Variants in SDK1 observed in about 807,000 individuals in gnomAD.
The protein encoded by SDK1 is sidekick cell adhesion molecule 1.
In SDK1, 157 loss-of-function variants were observed where a neutral mutation model predicts 245.5. The observed-to-expected ratio is 0.64, with a 90% CI of 0.56 to 0.73. The LOEUF is 0.73. SDK1 is among the 30% of genes least tolerant of loss of function. The probability of loss-of-function intolerance (pLI) is 0.00; values close to 1 mark genes in which losing one functional copy is unlikely to be tolerated. For synonymous variants in SDK1, 1,647 were observed against 1,278.5 expected (o/e 1.29, Z -6.15); for missense variants, 3,583 against 3,002.3 (o/e 1.19, Z -4.52).
chr7:3,953,279 G>A (rs547172567), intron 7 of SDK1, among the ~76,000 whole-genome samples: 52 of 152,090 alleles, frequency 3.4e-4, no homozygotes, highest in African/African-American at 1.2e-3. Context: ...ATTAGGAAAT[G>A]ACTCCATGTC....
chr7:3,813,776 G>A (rs1779442899), intron 4 of SDK1, among the ~76,000 whole-genome samples: 1 of 109,108 alleles, frequency 9.2e-6, no homozygotes, highest in African/African-American at 4.2e-5. Flanking sequence ...AGCACCTGTT[G>A]TTTCCTGACT....
chr7:3,533,716 A>G (rs969443354), intron 1 of SDK1, among the ~76,000 whole-genome samples: 4 of 151,818 alleles, frequency 2.6e-5, no homozygotes, highest in African/African-American at 9.7e-5. Flanking sequence ...TTCCTGTTGA[A>G]TTTGCTGGAT....
chr7:4,040,901 G>C (rs926069759), intron 17 of SDK1, among the ~76,000 whole-genome samples: 1 of 152,162 alleles, frequency 6.6e-6, no homozygotes, highest in African/African-American at 2.4e-5. Flanking sequence ...CACAGCTGCC[G>C]GCATTCACCT....
At chr7:3,681,062 C>G (rs1283600367) in intron 4 of SDK1, among the ~76,000 whole-genome samples, 2 of 152,174 alleles carry the variant, frequency 1.3e-5, no homozygotes, top group African/African-American at 4.8e-5. Context: ...CCAGGATGAT[C>G]TCGATCTCCT....
At chr7:3,486,109 C>G (rs1446172210) in intron 1 of SDK1, among the ~76,000 whole-genome samples, 1 of 151,792 alleles carries the variant, frequency 6.6e-6, no homozygotes, top group Non-Finnish European at 1.5e-5. Flanking sequence ...AAATTATTAC[C>G]TGTAATTTTG....
intron 1 of SDK1, chr7:3,338,642 AC>A (rs1780267194): frequency 5.1e-6 from 1 of 197,732 alleles, no homozygotes; most frequent in African/African-American, 2.4e-5. Context: ...AAAAAAAAAC[AC>A]CAAAACAAGA....
intron 1 of SDK1, among the ~76,000 whole-genome samples, chr7:3,423,871 C>G (rs1779600492): frequency 6.6e-6 from 1 of 151,804 alleles, no homozygotes; most frequent in African/African-American, 2.4e-5. Flanking sequence ...GTTTTTTCCT[C>G]TAAATGTTCT....
At chr7:3,449,553 G>A (rs1464166563) in intron 1 of SDK1, among the ~76,000 whole-genome samples, 2 of 152,142 alleles carry the variant, frequency 1.3e-5, no homozygotes, top group Admixed American at 6.5e-5. Flanking sequence ...ATTAGAAGTA[G>A]GCTTTTGGAG....
chr7:4,041,538 T>C (rs958283784), intron 17 of SDK1, among the ~76,000 whole-genome samples: 6 of 152,112 alleles, frequency 3.9e-5, no homozygotes, highest in African/African-American at 1.4e-4. Flanking sequence ...TGGTGACATG[T>C]ATCCCCCGTT....
At position 3,977,980 on chromosome 7, in the gene SDK1, C is replaced by A. The variant is rs560327251; in HGVS notation, c.1994+3435C>A. 4.6e-5 allele frequency among the ~76,000 whole-genome samples: 7 copies of A among 152,278 alleles called. No homozygotes were observed. In the South Asian group the frequency reaches 1.5e-3, roughly 32 times the overall value. ...CCCTGGTTTCCCCACCATGGGTATA[C>A]AAGTAAGCTCAGGTCGTTCTACCAA... On this transcript the variant is annotated intron_variant, in intron 13 of 44. Transcript: ENST00000404826.
chr7:3,495,118 C>T (rs1232305487), intron 1 of SDK1, among the ~76,000 whole-genome samples: 1 of 152,094 alleles, frequency 6.6e-6, no homozygotes, highest in Non-Finnish European at 1.5e-5. Flanking sequence ...CCGTCAGTCT[C>T]TGAAGCTTGA....
chr7:4,028,170 C>G (rs541358152), intron 17 of SDK1, among the ~76,000 whole-genome samples: 18 of 152,196 alleles, frequency 1.2e-4, no homozygotes, highest in African/African-American at 3.4e-4. Context: ...TACTCCAGAC[C>G]CACTGAATCA....
intron 4 of SDK1, among the ~76,000 whole-genome samples, chr7:3,761,894 A>G (rs77049826): frequency 0.012 from 1,901 of 152,316 alleles, 36 homozygotes; most frequent in African/African-American, 0.043. Flanking sequence ...GATCTTTCAC[A>G]TCAGGCTCAG....
intron 1 of SDK1, among the ~76,000 whole-genome samples, chr7:3,540,311 A>C (rs561745379): frequency 6.6e-6 from 1 of 152,320 alleles, no homozygotes; most frequent in African/African-American, 2.4e-5. Context: ...GGAGGCCGAG[A>C]CAGGAGAATC....
At chr7:3,376,689 CTAG>C (rs1257150863) in intron 1 of SDK1, among the ~76,000 whole-genome samples, 1 of 152,078 alleles carries the variant, frequency 6.6e-6, no homozygotes, top group Non-Finnish European at 1.5e-5. Context: ...GGAGGGCAGT[CTAG>C]TAACATGTCT....
chr7:3,559,682 T>C (rs1779689887), intron 1 of SDK1, among the ~76,000 whole-genome samples: 1 of 150,564 alleles, frequency 6.6e-6, no homozygotes, highest in South Asian at 2.1e-4. Flanking sequence ...GATTTCTAAA[T>C]AGTTTTTAAA....
At chr7:4,138,881 A>G (rs563060153) in intron 28 of SDK1, among the ~76,000 whole-genome samples, 1 of 152,330 alleles carries the variant, frequency 6.6e-6, no homozygotes, top group African/African-American at 2.4e-5. Flanking sequence ...CCTCCTGCAG[A>G]CCAGCATACC....
intron 5 of SDK1, among the ~76,000 whole-genome samples, chr7:3,887,781 G>A (rs571494179): frequency 5.3e-5 from 8 of 152,100 alleles, no homozygotes; most frequent in African/African-American, 1.7e-4. Flanking sequence ...ATATCATCAC[G>A]GGCAGTACTC....
chr7:3,465,469 C>T (rs1246859736), intron 1 of SDK1, among the ~76,000 whole-genome samples: 1 of 152,188 alleles, frequency 6.6e-6, no homozygotes, highest in African/African-American at 2.4e-5. Context: ...ACTAGGGATA[C>T]TCTCTTGTGC....
Sources: gnomAD v4.1 joint callset for allele counts (sites outside exome capture counted in the v4.1 genomes callset) on GRCh38, gnomAD v4.1.1 for gene constraint, MANE v1.5 for transcripts, NCBI Gene and HGNC (gene_info 2026-07-23, HGNC 2026-07-21) for gene names.